The following C6orf120 variants were observed in gnomAD, a reference collection of about 807,000 sequenced individuals.
C6orf120 encodes UPF0669 protein C6orf120.
For missense variants in C6orf120, 311 were observed against 264.2 expected (o/e 1.18, Z -1.23); for synonymous variants, 165 against 123.1 (o/e 1.34, Z -2.25).
At chr6:169,703,050 T>A in exon 1 of C6orf120, 3 of 1,542,326 alleles carry the variant, frequency 1.9e-6, no homozygotes, top group Non-Finnish European at 1.8e-6. Context: ...TTGACCACAC[T>A]CTGGGATATA....
chr6:169,705,165 G>A (rs775514935), downstream of C6orf120: 1 of 1,611,206 alleles, frequency 6.2e-7, no homozygotes, highest in Non-Finnish European at 8.5e-7. Flanking sequence ...CACACAAAAA[G>A]TATGATAACC....
chr6:169,704,038 CT>C, exon 1 of C6orf120: 1 of 1,599,884 alleles, frequency 6.3e-7, no homozygotes, highest in Non-Finnish European at 8.5e-7. Context: ...CTTCTGCCCA[CT>C]TTCCTGGGTG....
At chr6:169,703,800 C>T in exon 1 of C6orf120, 1 of 542,158 alleles carries the variant, frequency 1.8e-6, no homozygotes. Flanking sequence ...TGGAGTGAGC[C>T]AAGGTTACTA....
chr6:169,702,633 G>C, exon 1 of C6orf120: 1 of 1,613,336 alleles, frequency 6.2e-7, no homozygotes, highest in Non-Finnish European at 8.5e-7. Flanking sequence ...GCTACCTGCG[G>C]CTGAACCACG....
chr6:169,702,786 C>G, exon 1 of C6orf120: 1 of 1,613,214 alleles, frequency 6.2e-7, no homozygotes. Context: ...TCCCCGCGCA[C>G]TTCCGGCGCC....
At chr6:169,704,003 T>G in exon 1 of C6orf120, 1 of 1,598,538 alleles carries the variant, frequency 6.3e-7, no homozygotes. Context: ...AAAAACTATT[T>G]TATCCCTCTT....
exon 1 of C6orf120, chr6:169,702,314 G>A (rs2128326307): frequency 3.0e-6 from 2 of 658,418 alleles, no homozygotes; most frequent in South Asian, 1.7e-5. Flanking sequence ...ACGCGGGTGG[G>A]AAGGGACAGT....
At chr6:169,702,633 G>A (rs1184249054) in exon 1 of C6orf120, 1 of 1,613,218 alleles carries the variant, frequency 6.2e-7, no homozygotes, top group Non-Finnish European at 8.5e-7. Context: ...GCTACCTGCG[G>A]CTGAACCACG....
At chr6:169,703,149 A>T (rs1361531194) in exon 1 of C6orf120, 3 of 1,150,596 alleles carry the variant, frequency 2.6e-6, no homozygotes, top group Non-Finnish European at 2.4e-6. Context: ...TAGTCAAGGG[A>T]TGGAAAAATA....
At chr6:169,705,124 A>T, downstream of C6orf120, 1 of 1,576,622 alleles carries the variant, frequency 6.3e-7, no homozygotes, top group Admixed American at 1.8e-5. Context: ...CTCTTTTTTT[A>T]ATCTTTACCT....
exon 1 of C6orf120, chr6:169,702,659 T>C: frequency 1.2e-6 from 2 of 1,613,420 alleles, no homozygotes; most frequent in Non-Finnish European, 1.7e-6. Flanking sequence ...AAGATAGTCC[T>C]CAGGATGCGC....
exon 1 of C6orf120, chr6:169,703,731 T>A (rs1214977387): frequency 4.7e-6 from 2 of 423,602 alleles, no homozygotes; most frequent in Non-Finnish European, 8.5e-6. Context: ...AAATTAACTT[T>A]TGGGGCTATG....
Position 169,702,225 on chromosome 6 carries a change from G to GC in C6orf120, c.-231dup, listed in dbSNP as rs989713394. 15 of 681,980 alleles carry GC rather than the reference G, an allele frequency of 2.2e-5. No individual in the cohort carries two copies. The highest frequency in any genetic ancestry group is 3.0e-5 in the Non-Finnish European group (11 of 372,662). The allele number at this position is 681,980 out of a possible 1,614,324, so 42.2% of individuals were successfully genotyped here. On this transcript the variant is annotated 5_prime_UTR_variant, in exon 1 of 1. An upstream open reading frame in the 5' UTR loses its in-frame stop. Transcript: ENST00000332290. ...AGTCCGAGGGTGCCACAGCGGCCCT[G>GC]CCCCTGCCCCTGCCCCTGCCCTGAG...
chr6:169,705,022 A>T, downstream of C6orf120: 1 of 712,578 alleles, frequency 1.4e-6, no homozygotes, highest in Non-Finnish European at 2.3e-6. Flanking sequence ...TCATATTTGC[A>T]CATAAGAGTC....
At chr6:169,702,138 G>T, upstream of C6orf120, 2 of 590,026 alleles carry the variant, frequency 3.4e-6, no homozygotes, top group Non-Finnish European at 6.4e-6. Flanking sequence ...TTCCGCCTCC[G>T]GCGAGGCTCC....
At chr6:169,702,578 T>A in exon 1 of C6orf120, 1 of 1,613,038 alleles carries the variant, frequency 6.2e-7, no homozygotes, top group Middle Eastern at 1.7e-4. Context: ...GAGGAGTGGG[T>A]GCTCCTGCAC....
chr6:169,705,371 A>G, downstream of C6orf120: 1 of 1,273,024 alleles, frequency 7.9e-7, no homozygotes, highest in Non-Finnish European at 1.1e-6. Flanking sequence ...ATTTTAACTT[A>G]ATATGGCACA....
chr6:169,703,377 G>C, exon 1 of C6orf120: 1 of 283,370 alleles, frequency 3.5e-6, no homozygotes, highest in Non-Finnish European at 7.1e-6. Context: ...TGATAACTTT[G>C]TAATTTTACT....
chr6:169,703,792 G>C, exon 1 of C6orf120: 1 of 516,380 alleles, frequency 1.9e-6, no homozygotes, highest in Non-Finnish European at 3.4e-6. Flanking sequence ...TGAATTTTTG[G>C]AGTGAGCCAA....
Sources: gnomAD v4.1 joint callset for allele counts on GRCh38, gnomAD v4.1.1 for gene constraint, MANE v1.5 for transcripts, NCBI Gene and HGNC (gene_info 2026-07-23, HGNC 2026-07-21) for gene names.